The following PCDHGA2 variants were observed in gnomAD, a reference collection of about 807,000 sequenced individuals.
PCDHGA2 encodes the protein protocadherin gamma subfamily A, 2, also known as protocadherin gamma-A2.
In PCDHGA2, 40 loss-of-function variants were observed where a neutral mutation model predicts 59.2. The ratio of observed to expected loss-of-function variants is 0.68; its 90% confidence interval spans 0.52 to 0.88. PCDHGA2 has a LOEUF of 0.88. Ranked by LOEUF, PCDHGA2 falls within the 40% of genes least tolerant of loss-of-function variation. The pLI is 0.00. For synonymous variants in PCDHGA2, 560 were observed against 526.0 expected (o/e 1.06, Z -0.89); for missense variants, 1,226 against 1,204.0 (o/e 1.02, Z -0.27).
At chr5:141,395,547 TGTGTGTG>T (rs1561655273) in intron 1 of PCDHGA2, 9,050 of 174,290 alleles carry the variant, frequency 0.052, 489 homozygotes, top group Middle Eastern at 0.08. Context: ...ATTGTTTGTG[TGTGTGTG>T]TGTGTGTGTG....
chr5:141,467,811 A>T (rs562932160), intron 1 of PCDHGA2, among the ~76,000 whole-genome samples: 1 of 152,164 alleles, frequency 6.6e-6, no homozygotes, highest in African/African-American at 2.4e-5. Flanking sequence ...GGCACATGCC[A>T]CCACACCAGG....
rs748457785 is a variant in PCDHGA2 at position 141,489,197 on chromosome 5, A to G, written c.2425-5610A>G. On this transcript the variant is annotated intron_variant, in intron 1 of 3. Coordinates refer to ENST00000394576, the MANE Select transcript of PCDHGA2 (RefSeq NM_018915.4). This position sits in a 1 kb window ranked among gnomAD's most constrained non-coding sequence, Gnocchi z 4.5. ...TCCAAGCCCTGGGTCTACCTTGGAG[A>G]CAGGACAGCACAGACTTACTCTCCA... 7 of 1,391,050 alleles carry G rather than the reference A, an allele frequency of 5.0e-6. No individual in the cohort carries two copies. Among genetic ancestry groups the G allele is most frequent in the African/African-American group, 2.9e-5 (2 of 69,150 alleles). 86.2% of individuals were successfully genotyped at this position (1,391,050 alleles called of 1,614,324 possible).
intron 1 of PCDHGA2, chr5:141,383,068 C>T (rs376511249): frequency 6.2e-7 from 1 of 1,613,846 alleles, no homozygotes; most frequent in African/African-American, 1.3e-5. Flanking sequence ...GCTGGAGCCC[C>T]GGGAGCTGGC....
intron 1 of PCDHGA2, chr5:141,404,633 G>C: frequency 6.2e-7 from 1 of 1,614,170 alleles, no homozygotes; most frequent in Non-Finnish European, 8.5e-7. Flanking sequence ...CAATGCCCCA[G>C]AAATCCTGTA....
At chr5:141,370,648 T>A in intron 1 of PCDHGA2, 1 of 1,613,920 alleles carries the variant, frequency 6.2e-7, no homozygotes, top group Non-Finnish European at 8.5e-7. Context: ...GGGAACTTAC[T>A]TGTGAGCGAC....
intron 1 of PCDHGA2, chr5:141,433,153 A>G (rs896611410): frequency 3.1e-6 from 5 of 1,613,482 alleles, no homozygotes; most frequent in African/African-American, 2.7e-5. Flanking sequence ...GTGATTCGGT[A>G]TTTTCTAAAG....
Position 141,485,369 on chromosome 5 carries a change from G to T in PCDHGA2, c.2425-9438G>T. On this transcript the variant is annotated intron_variant, in intron 1 of 3. Transcript: ENST00000394576. This position sits in a 1 kb window ranked among gnomAD's most constrained non-coding sequence, Gnocchi z 5.7. ...CAGTCTGTCAGCTCGCAGGCTGCAG[G>T]TCGCTGGAGAGGTGAACCAAAGACA... 1 of 1,614,154 alleles carries T rather than the reference G, an allele frequency of 6.2e-7. No individual in the cohort carries two copies. The highest frequency in any genetic ancestry group is 1.1e-5 in the South Asian group (1 of 91,088).
chr5:141,403,434 A>G, intron 1 of PCDHGA2: 1 of 1,614,024 alleles, frequency 6.2e-7, no homozygotes, highest in Non-Finnish European at 8.5e-7. Flanking sequence ...ATTGATCCGG[A>G]TGTTGGCGTG....
chr5:141,353,859 A>T (rs1019409823), intron 1 of PCDHGA2, among the ~76,000 whole-genome samples: 9 of 152,234 alleles, frequency 5.9e-5, no homozygotes, highest in Non-Finnish European at 2.9e-5. Flanking sequence ...AAACACGTTT[A>T]ATCTACTCTC....
intron 2 of PCDHGA2, among the ~76,000 whole-genome samples, chr5:141,502,988 C>A (rs1285178746): frequency 6.7e-6 from 1 of 150,346 alleles, no homozygotes; most frequent in Non-Finnish European, 1.5e-5. Flanking sequence ...GGATTACAGG[C>A]GTGTGCCACC....
intron 1 of PCDHGA2, among the ~76,000 whole-genome samples, chr5:141,456,866 G>A (rs2098893781): frequency 6.6e-6 from 1 of 152,170 alleles, no homozygotes; most frequent in African/African-American, 2.4e-5. Flanking sequence ...GGGAGGCTGA[G>A]GCAGGAGAAT....
Position 141,432,149 on chromosome 5 carries a change from A to G in PCDHGA2, c.2425-62658A>G. The G allele has an allele frequency of 6.2e-7, 1 of 1,613,964 alleles. No individual in the cohort carries two copies. The highest frequency in any genetic ancestry group is 8.5e-7 in the Non-Finnish European group (1 of 1,179,986). On this transcript the variant is annotated intron_variant, in intron 1 of 3. Transcript: ENST00000394576. This position sits in a 1 kb window ranked among gnomAD's most constrained non-coding sequence, Gnocchi z 6.0. Reference sequence around the variant, plus strand: ...CTCCTATTCCGCTTATATCCCAGAGAACAATCCCAGAGGAGTTTCCCTCGT... The same window carrying G: ...CTCCTATTCCGCTTATATCCCAGAGGACAATCCCAGAGGAGTTTCCCTCGT...
At chr5:141,421,618 G>A (rs748399893) in intron 1 of PCDHGA2, 1 of 1,613,766 alleles carries the variant, frequency 6.2e-7, no homozygotes, top group African/African-American at 1.3e-5. Context: ...TAATGATAAC[G>A]CCCCCAGCTT....
intron 1 of PCDHGA2, among the ~76,000 whole-genome samples, chr5:141,473,343 T>C (rs1309426537): frequency 6.6e-6 from 1 of 152,218 alleles, no homozygotes; most frequent in Non-Finnish European, 1.5e-5. Flanking sequence ...TGCTAGACAG[T>C]GAGGATGCAA....
At chr5:141,350,897 G>A (rs748000231) in intron 1 of PCDHGA2, 1 of 1,614,028 alleles carries the variant, frequency 6.2e-7, no homozygotes, top group Admixed American at 1.7e-5. Context: ...GACTGCCATG[G>A]ATGGCGGGGA....
At chr5:141,424,894 T>C (rs868851823) in intron 1 of PCDHGA2, among the ~76,000 whole-genome samples, 44 of 152,320 alleles carry the variant, frequency 2.9e-4, no homozygotes, top group African/African-American at 9.9e-4. Flanking sequence ...TCTAGGGTTT[T>C]TGATCACAGG....
chr5:141,462,911 T>C (rs1263378930), intron 1 of PCDHGA2, among the ~76,000 whole-genome samples: 1 of 152,248 alleles, frequency 6.6e-6, no homozygotes, highest in Non-Finnish European at 1.5e-5. Flanking sequence ...ATTATGTTTT[T>C]TGCAGATCAG....
intron 1 of PCDHGA2, among the ~76,000 whole-genome samples, chr5:141,462,650 TC>T (rs1254671361): frequency 7.3e-6 from 1 of 137,262 alleles, no homozygotes; most frequent in African/African-American, 3.0e-5. Context: ...ATTTCCATCC[TC>T]AATTATCTTC....
chr5:141,394,428 G>A lies in PCDHGA2; in HGVS notation c.2424+53033G>A, dbSNP rs199658498. On this transcript the variant is annotated intron_variant, in intron 1 of 3. Coordinates refer to ENST00000394576, the MANE Select transcript of PCDHGA2 (RefSeq NM_018915.4). ...ACTGGTAACAGCCAGCGACAGCGGG[G>A]ACCCGCCCCTCAGCAGCAACATGTC... 332 of 1,614,232 alleles carry A rather than the reference G, an allele frequency of 2.1e-4. 3 individuals are homozygous for A. In the African/African-American group the frequency reaches 4.0e-3, roughly 19 times the overall value.
Sources: allele counts gnomAD v4.1 joint callset (sites outside exome capture counted in the v4.1 genomes callset), GRCh38; gene constraint gnomAD v4.1.1; non-coding constraint Gnocchi (gnomAD v3.1); transcripts MANE v1.5; gene names NCBI Gene and HGNC (gene_info 2026-07-23, HGNC 2026-07-21).